MAN1C1: variants seen among roughly 807,000 people sequenced by gnomAD.
MAN1C1 encodes the protein mannosyl-oligosaccharide 1,2-alpha-mannosidase IC.
A neutral mutation model predicts 71.5 loss-of-function variants in MAN1C1; 49 were observed. The ratio of observed to expected loss-of-function variants is 0.69; its 90% confidence interval spans 0.54 to 0.87. MAN1C1 has a LOEUF of 0.87. MAN1C1 is among the 40% of genes least tolerant of loss of function. The pLI is 0.00. For missense variants in MAN1C1, 743 were observed against 835.0 expected (o/e 0.89, Z 1.36); for synonymous variants, 352 against 343.7 (o/e 1.02, Z -0.27).
intron 2 of MAN1C1, among the ~76,000 whole-genome samples, chr1:25,695,825 C>T (rs7553455): frequency 0.046 from 6,989 of 152,320 alleles, 545 homozygotes; most frequent in African/African-American, 0.16. Flanking sequence ...CGCCAGCAGC[C>T]GAGTGAGCCG....
chr1:25,647,500 A>G (rs1051997657), intron 1 of MAN1C1, among the ~76,000 whole-genome samples: 6 of 152,098 alleles, frequency 3.9e-5, no homozygotes, highest in Non-Finnish European at 8.8e-5. Context: ...ACTGGGCTCC[A>G]GTATGGAGGT....
At chr1:25,697,632 G>A (rs1216825102) in intron 2 of MAN1C1, among the ~76,000 whole-genome samples, 1 of 152,216 alleles carries the variant, frequency 6.6e-6, no homozygotes, top group Non-Finnish European at 1.5e-5. Flanking sequence ...CTGCCAGACT[G>A]TTCTATAGCG....
At chr1:25,670,856 C>T (rs183610217) in intron 1 of MAN1C1, among the ~76,000 whole-genome samples, 2 of 152,272 alleles carry the variant, frequency 1.3e-5, no homozygotes, top group Non-Finnish European at 2.9e-5. Flanking sequence ...CTGATTTAGC[C>T]TCTTGCATCC....
rs1489091697 is a variant in MAN1C1, at chr1:25,617,953, C to T, written c.156C>T (p.Leu52=). Residue 52 remains leucine (L), a synonymous_variant, in exon 1 of 12, where the codon CTC becomes CTT. Coordinates refer to ENST00000374332, the MANE Select transcript of MAN1C1 (RefSeq NM_020379.4). This position sits in a 1 kb window ranked among gnomAD's most constrained non-coding sequence, Gnocchi z 5.1. The stretch of plus-strand genomic sequence containing the variant: ...CCCACTCCTCTCGCCTCAAGCGCCT[C>T]TTCCTGGCCCCCCGGACCCAGCAGC... ...LLPHSSRLKR[L]FLAPRTQQPG... is the part of the protein sequence containing the mutation. The T allele has an allele frequency of 6.2e-6, 10 of 1,608,914 alleles. No homozygotes were observed. Among genetic ancestry groups the T allele is most frequent in the Non-Finnish European group, 8.5e-6 (10 of 1,178,266 alleles).
At chr1:25,734,445 A>T (rs1247938587) in intron 2 of MAN1C1, among the ~76,000 whole-genome samples, 1 of 152,234 alleles carries the variant, frequency 6.6e-6, no homozygotes, top group East Asian at 1.9e-4. Context: ...TAGAGTTTTT[A>T]AAAGATGGAT....
At chr1:25,774,185 AACC>A (rs1385059167) in intron 8 of MAN1C1, among the ~76,000 whole-genome samples, 1 of 152,178 alleles carries the variant, frequency 6.6e-6, no homozygotes, top group Admixed American at 6.5e-5. Flanking sequence ...GGGGTCAGAA[AACC>A]ACCAGGTTAG....
intron 2 of MAN1C1, among the ~76,000 whole-genome samples, chr1:25,743,759 T>A (rs1350799875): frequency 1.3e-5 from 2 of 152,138 alleles, no homozygotes; most frequent in Admixed American, 6.5e-5. Context: ...GAAGGGCGCA[T>A]GGGGTGAAAA....
rs373938541 is a variant in MAN1C1 at position 25,722,967 on chromosome 1, AT to A, written c.638-23699del. Among the ~76,000 whole-genome samples, 48 of 152,214 alleles carry A rather than the reference AT, an allele frequency of 3.2e-4. 1 individual carries two copies. Among genetic ancestry groups the A allele is most frequent in the African/African-American group, 1.2e-3 (48 of 41,516 alleles). On this transcript the variant is annotated intron_variant, in intron 2 of 11. Coordinates refer to ENST00000374332, the MANE Select transcript of MAN1C1 (RefSeq NM_020379.4). ...ATGGACTCCTGATCACAGCCTTCTG[AT>A]TGTGACCTGTCTTTTCTGTGGAAGC...
At position 25,781,017 on chromosome 1, in the gene MAN1C1, T is replaced by C; in HGVS notation, c.1555T>C (p.Tyr519His). 1 of 1,614,166 alleles carries C rather than the reference T, an allele frequency of 6.2e-7. No homozygotes were observed. The highest frequency in any genetic ancestry group is 8.5e-7 in the Non-Finnish European group (1 of 1,180,042). The change falls in exon 10 of 12, where the codon TAC becomes CAC. Residue 519 changes from tyrosine (Y) to histidine (H), a missense_variant. By Grantham distance (83) the Tyr-to-His change is moderately conservative (BLOSUM62 2). Coordinates refer to ENST00000374332, the MANE Select transcript of MAN1C1 (RefSeq NM_020379.4). ...GGCCACCCAGCTGAGCGAGAGCTAC[T>C]ACATCCTCCGGCCAGAGGTGGTGGA... Reference protein sequence around the residue: ...AVATQLSESYYILRPEVVESY... With the variant: ...AVATQLSESYHILRPEVVESY...
At chr1:25,682,378 A>T (rs1288450202) in intron 1 of MAN1C1, among the ~76,000 whole-genome samples, 1 of 152,258 alleles carries the variant, frequency 6.6e-6, no homozygotes, top group African/African-American at 2.4e-5. Flanking sequence ...GGAAGTTATT[A>T]GGGACAAATG....
intron 9 of MAN1C1, among the ~76,000 whole-genome samples, chr1:25,780,549 C>T (rs959141776): frequency 1.3e-5 from 2 of 152,196 alleles, no homozygotes; most frequent in African/African-American, 4.8e-5. Flanking sequence ...GTTTAACCCT[C>T]GGTTCCCCAG....
At position 25,694,958 on chromosome 1, in the gene MAN1C1, A is replaced by G. The variant is rs77185432; in HGVS notation, c.637+8422A>G. Among the ~76,000 whole-genome samples, 1,479 of 152,340 alleles carry G rather than the reference A, an allele frequency of 9.7e-3. 16 individuals are homozygous for G. The highest frequency in any genetic ancestry group is 0.033 in the African/African-American group (1,362 of 41,578). On this transcript the variant is annotated intron_variant, in intron 2 of 11. Coordinates refer to ENST00000374332, the MANE Select transcript of MAN1C1 (RefSeq NM_020379.4). ...CACCTGTGAAATGGGGGGTTAGCAC[A>G]TAGTAAGCCTTCACCAAACATTACA...
rs1451752018 is a variant in MAN1C1, at chr1:25,778,067, C to T, written c.1258-38C>T. On this transcript the variant is annotated intron_variant, in intron 8 of 11. Transcript: ENST00000374332. This position sits in a 1 kb window ranked among gnomAD's most constrained non-coding sequence, Gnocchi z 5.5. Reference sequence around the variant, plus strand: ...TCCCCCCCTTCTCTGTGCCCTCCCACGCCCCTTCTCCCTGCCCAATCCCCA... The same window carrying T: ...TCCCCCCCTTCTCTGTGCCCTCCCATGCCCCTTCTCCCTGCCCAATCCCCA... 1.1e-5 allele frequency: 16 copies of T among 1,456,552 alleles called. No homozygotes were observed. The highest frequency in any genetic ancestry group is 2.7e-5 in the South Asian group (2 of 74,424). The allele number at this position is 1,456,552 out of a possible 1,614,324, so 90.2% of individuals were successfully genotyped here. A position where few individuals can be genotyped will look rare whatever the true frequency, so the allele number is the denominator to read the frequency against.
intron 1 of MAN1C1, among the ~76,000 whole-genome samples, chr1:25,680,312 C>T (rs2124160741): frequency 6.6e-6 from 1 of 152,322 alleles, no homozygotes; most frequent in East Asian, 1.9e-4. Context: ...ATCCGCCCAC[C>T]TGGGCCTCCC....
intron 2 of MAN1C1, among the ~76,000 whole-genome samples, chr1:25,701,707 G>A (rs1399561720): frequency 6.6e-6 from 1 of 152,214 alleles, no homozygotes. Context: ...CGTGCGATGT[G>A]CCTCTGTTGA....
intron 3 of MAN1C1, 29 bp from the exon 4 acceptor site, chr1:25,749,226 C>G (rs1235470705): frequency 4.4e-6 from 7 of 1,596,166 alleles, no homozygotes; most frequent in African/African-American, 1.3e-5. Context: ...AGTGTCCCCA[C>G]TGTCCCCCTC....
chr1:25,676,056 G>C (rs939268831), intron 1 of MAN1C1, among the ~76,000 whole-genome samples: 3 of 152,166 alleles, frequency 2.0e-5, no homozygotes, highest in Admixed American at 6.5e-5. Flanking sequence ...TGCCCCCTGG[G>C]TGGCCCTACT....
chr1:25,640,144 C>T lies in MAN1C1; in HGVS notation c.540+21807C>T, dbSNP rs147169312. ...AGTAGCTGAAGGAGTTTCCAAGGCA[C>T]CATCTGTGAGGTCTGATCTCTTGTC... On this transcript the variant is annotated intron_variant, in intron 1 of 11. Coordinates refer to ENST00000374332, the MANE Select transcript of MAN1C1 (RefSeq NM_020379.4). 5.3e-5 allele frequency among the ~76,000 whole-genome samples: 8 copies of T among 152,294 alleles called. No homozygotes were observed. The East Asian group carries it at 1.5e-3, about 29-fold the overall frequency.
intron 2 of MAN1C1, among the ~76,000 whole-genome samples, chr1:25,739,962 C>T (rs2047037285): frequency 6.6e-6 from 1 of 152,134 alleles, no homozygotes. Context: ...CCTCCCCATC[C>T]AGTTGGAGGG....
Sources: allele counts gnomAD v4.1 joint callset (sites outside exome capture counted in the v4.1 genomes callset), GRCh38; gene constraint gnomAD v4.1.1; non-coding constraint Gnocchi (gnomAD v3.1); transcripts MANE v1.5; gene names NCBI Gene and HGNC (gene_info 2026-07-23, HGNC 2026-07-21).